Variants in NGLY1 observed in about 807,000 individuals in gnomAD.
NGLY1 encodes the protein N-glycanase 1, also known as peptide-N(4)-(N-acetyl-beta-glucosaminyl)asparagine amidase.
NGLY1 carries 68 observed loss-of-function variants against 84.6 expected under a neutral mutation model. That is an observed-to-expected ratio of 0.80 (90% CI 0.66 to 0.98). The LOEUF (loss-of-function observed/expected upper bound fraction) is 0.98. Among genes scored for constraint, NGLY1 ranks in the 50% least tolerant of loss-of-function variants. NGLY1 has a pLI of 0.00. For missense variants in NGLY1, 779 were observed against 770.2 expected (o/e 1.01, Z -0.14); for synonymous variants, 280 against 275.2 (o/e 1.02, Z -0.17).
chr3:25,757,005 A>G (rs1707072774), intron 3 of NGLY1, among the ~76,000 whole-genome samples: 1 of 152,230 alleles, frequency 6.6e-6, no homozygotes, highest in African/African-American at 2.4e-5. Context: ...TTCAACATAT[A>G]TTTGCAGACT....
At chr3:25,779,627 C>CA (rs1467105411) in intron 1 of NGLY1, among the ~76,000 whole-genome samples, 9 of 152,144 alleles carry the variant, frequency 5.9e-5, no homozygotes, top group African/African-American at 2.2e-4. Context: ...GGTGAGTAGG[C>CA]AAATGCTAGC....
Position 25,720,043 on chromosome 3 carries a change from G to A in NGLY1, c.1760C>T (p.Ser587Phe). 3.7e-6 allele frequency: 6 copies of A among 1,613,482 alleles called. No homozygotes were observed. The highest frequency in any genetic ancestry group is 5.1e-6 in the Non-Finnish European group (6 of 1,179,652). The change falls in exon 11 of 12, where the codon TCT (serine) becomes TTT (phenylalanine). Residue 587 changes from serine to phenylalanine, a missense_variant. Coordinates refer to ENST00000280700, the MANE Select transcript of NGLY1 (RefSeq NM_018297.4). Reference sequence around the variant, plus strand: ...TGTCAGTTCTACTTGTGCTGTATCAGATCGCAATTTCCATTCTACTGTTCC... The same window carrying A: ...TGTCAGTTCTACTTGTGCTGTATCAAATCGCAATTTCCATTCTACTGTTCC... ...QTGTVEWKLR[S>F]DTAQVELTGD...
chr3:25,750,111 T>G (rs1706654169), intron 4 of NGLY1, among the ~76,000 whole-genome samples: 1 of 152,174 alleles, frequency 6.6e-6, no homozygotes, highest in South Asian at 2.1e-4. Context: ...AAACTTATCA[T>G]GGCAGAAGGC....
At chr3:25,744,969 G>A (rs1163118114) in intron 4 of NGLY1, among the ~76,000 whole-genome samples, 5 of 152,138 alleles carry the variant, frequency 3.3e-5, no homozygotes, top group Admixed American at 2.6e-4. Context: ...TTTCTTACAT[G>A]AGAAAATAAT....
intron 1 of NGLY1, among the ~76,000 whole-genome samples, chr3:25,779,670 T>C (rs922006434): frequency 1.3e-5 from 2 of 152,248 alleles, no homozygotes; most frequent in East Asian, 1.9e-4. Flanking sequence ...TATCTACACA[T>C]GTTCTCTAGG....
At position 25,739,708 on chromosome 3, in the gene NGLY1, G is replaced by A. The variant is rs774509442; in HGVS notation, c.750C>T (p.Cys250=). 1.9e-6 allele frequency: 3 copies of A among 1,613,886 alleles called. No homozygotes were observed. The highest frequency in any genetic ancestry group is 2.5e-6 in the Non-Finnish European group (3 of 1,180,014). ...ACCTAGTCTGTCCACCACATTTGCT[G>A]CACAAAACGTTATTCACCCAGTGAA... is the stretch of plus-strand genomic sequence containing the variant. ...EFFHWVNNVL[C]SKCGGQTRSR... is the part of the protein sequence containing the mutation. The change falls in exon 5 of 12, where the codon TGC becomes TGT. Residue 250 remains cysteine (C), a synonymous_variant. Transcript: ENST00000280700.
chr3:25,751,267 A>C lies in NGLY1; in HGVS notation c.493-4T>G, dbSNP rs1706735265. 4 of 1,522,368 alleles carry C rather than the reference A, an allele frequency of 2.6e-6. No individual in the cohort carries two copies. In the African/African-American group the frequency reaches 4.2e-5, roughly 16 times the overall value. 94.3% of individuals were successfully genotyped at this position (1,522,368 alleles called of 1,614,324 possible). A position where few individuals can be genotyped will look rare whatever the true frequency, so the allele number is the denominator to read the frequency against. ...GAATGGCTGAGTCAGCAGCAACCTA[A>C]TAGGAAAAAAAAAAACTGAAATTAA... On this transcript the variant is annotated splice_region_variant and splice_polypyrimidine_tract_variant and intron_variant, in intron 3 of 11. Transcript: ENST00000280700.
At chr3:25,743,261 T>A (rs1007448155) in intron 4 of NGLY1, among the ~76,000 whole-genome samples, 2 of 152,178 alleles carry the variant, frequency 1.3e-5, no homozygotes, top group African/African-American at 4.8e-5. Flanking sequence ...TTTCTTTTTA[T>A]TTCACCAAGT....
rs750589736 is a variant in NGLY1, at chr3:25,764,253, C to T, written c.305G>A (p.Arg102His). ...ACTTCTCTCTATGGCAATCAGGTCA[C>T]GAATTTTTTGCAGCTGCTCCACTGA... Reference protein sequence around the residue: ...KASVEQLQKIRDLIAIERSSR... With the variant: ...KASVEQLQKIHDLIAIERSSR... Residue 102 changes from arginine (R) to histidine (H), a missense_variant, in exon 3 of 12, where the codon CGT becomes CAT. By Grantham distance (29) the Arg-to-His change is conservative. Transcript: ENST00000280700. 18 of 1,613,864 alleles carry T rather than the reference C, an allele frequency of 1.1e-5. No homozygotes were observed. Among genetic ancestry groups the T allele is most frequent in the South Asian group, 5.5e-5 (5 of 91,078 alleles).
At chr3:25,763,991 A>C in intron 3 of NGLY1, 75 bp downstream of exon 3, 1 of 1,550,122 alleles carries the variant, frequency 6.5e-7, no homozygotes, top group Non-Finnish European at 8.8e-7. Context: ...GGAATAAATC[A>C]TAACACATTC....
intron 2 of NGLY1, among the ~76,000 whole-genome samples, chr3:25,768,422 TAA>T (rs71087723): frequency 3.3e-3 from 450 of 134,412 alleles, no homozygotes; most frequent in Non-Finnish European, 3.9e-3. Context: ...AAACTCCATC[TAA>T]AAAAAAAAAA....
chr3:25,785,474 A>C (rs1708583002), upstream of NGLY1, among the ~76,000 whole-genome samples: 1 of 151,370 alleles, frequency 6.6e-6, no homozygotes, highest in African/African-American at 2.4e-5. Flanking sequence ...TTATATGAGA[A>C]TAGTATATAT....
intron 4 of NGLY1, 63 bp from the exon 5 acceptor site, chr3:25,739,862 T>C (rs961279678): frequency 8.2e-7 from 1 of 1,221,500 alleles, no homozygotes; most frequent in Non-Finnish European, 1.2e-6. Context: ...TATCCAAACA[T>C]ATTTATTCTC....
At position 25,779,621 on chromosome 3, in the gene NGLY1, A is replaced by C. The variant is rs557281714; in HGVS notation, c.132-933T>G. On this transcript the variant is annotated intron_variant, in intron 1 of 11. Coordinates refer to ENST00000280700, the MANE Select transcript of NGLY1 (RefSeq NM_018297.4). ...ACCTGCCCTGGGGTATGATATGGTG[A>C]GTAGGCAAATGCTAGCAAATGACTT... 3.1e-4 allele frequency among the ~76,000 whole-genome samples: 47 copies of C among 152,318 alleles called. No individual in the cohort carries two copies. The South Asian group carries it at 8.5e-3, about 28-fold the overall frequency.
chr3:25,725,196 T>C (rs1352109099), intron 10 of NGLY1, among the ~76,000 whole-genome samples: 1 of 152,182 alleles, frequency 6.6e-6, no homozygotes, highest in African/African-American at 2.4e-5. Flanking sequence ...CAATCATATT[T>C]CTACATTGTT....
intron 1 of NGLY1, among the ~76,000 whole-genome samples, chr3:25,781,908 GGTAA>G (rs1249367026): frequency 6.6e-6 from 1 of 152,144 alleles, no homozygotes. Flanking sequence ...CTTTCCAGGT[GGTAA>G]GTCTCAGCTA....
intron 2 of NGLY1, among the ~76,000 whole-genome samples, chr3:25,775,962 C>A (rs1708137149): frequency 6.6e-6 from 1 of 152,178 alleles, no homozygotes; most frequent in African/African-American, 2.4e-5. Flanking sequence ...ACCTGTACCC[C>A]ATAATGTACA....
chr3:25,757,590 A>C (rs749355069), intron 3 of NGLY1, among the ~76,000 whole-genome samples: 1 of 152,252 alleles, frequency 6.6e-6, no homozygotes, highest in Non-Finnish European at 1.5e-5. Context: ...AAAGTCAATT[A>C]AATTTGGCAA....
chr3:25,723,227 T>C (rs1041924702), intron 10 of NGLY1, among the ~76,000 whole-genome samples: 23 of 152,316 alleles, frequency 1.5e-4, no homozygotes, highest in African/African-American at 5.1e-4. Context: ...CTGTTGAACA[T>C]GTCTGACAGC....
Sources: allele counts gnomAD v4.1 joint callset (sites outside exome capture counted in the v4.1 genomes callset), GRCh38; gene constraint gnomAD v4.1.1; transcripts MANE v1.5; gene names NCBI Gene and HGNC (gene_info 2026-07-23, HGNC 2026-07-21).